Variants in LRRC38 observed in about 807,000 individuals in gnomAD.
LRRC38 encodes the protein leucine rich repeat containing 38, also known as leucine-rich repeat-containing protein 38.
A neutral mutation model predicts 16.4 loss-of-function variants in LRRC38; 5 were observed. The observed-to-expected ratio is 0.31, with a 90% confidence interval of 0.16 to 0.64. The LOEUF (loss-of-function observed/expected upper bound fraction) is 0.64, where lower values mean the gene tolerates loss of function less well. LRRC38 is among the 30% of genes least tolerant of loss of function. The pLI, the probability that LRRC38 is intolerant of heterozygous loss-of-function variation, is 0.80. For missense variants in LRRC38, 341 were observed against 401.8 expected (o/e 0.85, Z 1.29); for synonymous variants, 191 against 190.2 (o/e 1.00, Z -0.04).
chr1:13,481,231 C>T (rs1188396900), intron 1 of LRRC38, among the ~76,000 whole-genome samples: 1 of 152,110 alleles, frequency 6.6e-6, no homozygotes, highest in Admixed American at 6.5e-5. Flanking sequence ...CCTGCCTCAG[C>T]CTTCCAAGTA....
intron 1 of LRRC38, among the ~76,000 whole-genome samples, chr1:13,492,466 C>T (rs933659643): frequency 5.3e-5 from 8 of 152,002 alleles, no homozygotes; most frequent in African/African-American, 9.7e-5. Flanking sequence ...TTTGGGAGGC[C>T]GAGGTGGGTG....
At chr1:13,503,281 T>C (rs1264557183) in intron 1 of LRRC38, among the ~76,000 whole-genome samples, 2 of 152,086 alleles carry the variant, frequency 1.3e-5, no homozygotes, top group East Asian at 3.9e-4. Context: ...TTTATTTATT[T>C]ATTTTGAGAC....
At chr1:13,481,031 T>C (rs182749547) in intron 1 of LRRC38, among the ~76,000 whole-genome samples, 2 of 152,252 alleles carry the variant, frequency 1.3e-5, no homozygotes, top group East Asian at 3.9e-4. Context: ...CCCAGTGTGA[T>C]GGTATCTGGA....
intron 1 of LRRC38, among the ~76,000 whole-genome samples, chr1:13,476,981 T>C (rs923194414): frequency 1.3e-5 from 2 of 152,186 alleles, no homozygotes; most frequent in African/African-American, 4.8e-5. Context: ...GGTGTGTTCC[T>C]GTAATTCCAG....
At chr1:13,499,228 A>G (rs1295100179) in intron 1 of LRRC38, among the ~76,000 whole-genome samples, 2 of 152,108 alleles carry the variant, frequency 1.3e-5, no homozygotes, top group Non-Finnish European at 1.5e-5. Context: ...TCTCCCGAGT[A>G]GCTGGGATTA....
chr1:13,491,558 T>C (rs2999893), intron 1 of LRRC38, among the ~76,000 whole-genome samples: 33,467 of 152,130 alleles, frequency 0.22, 4,210 homozygotes, highest in African/African-American at 0.34. Context: ...CAAAAATATT[T>C]TTAATTGTGG....
At chr1:13,507,569 C>T (rs762792086) in intron 1 of LRRC38, among the ~76,000 whole-genome samples, 10 of 152,214 alleles carry the variant, frequency 6.6e-5, no homozygotes, top group South Asian at 4.1e-4. Context: ...CAGTGGCTCA[C>T]GCCTGTAATC....
chr1:13,485,288 A>C (rs982545667), intron 1 of LRRC38, among the ~76,000 whole-genome samples: 2 of 135,104 alleles, frequency 1.5e-5, no homozygotes, highest in Non-Finnish European at 3.2e-5. Flanking sequence ...AAAAAAAAAA[A>C]AAAAAACGGC....
At chr1:13,497,554 C>A (rs1639094337) in intron 1 of LRRC38, among the ~76,000 whole-genome samples, 1 of 152,096 alleles carries the variant, frequency 6.6e-6, no homozygotes, top group African/African-American at 2.4e-5. Flanking sequence ...CTTACATTAA[C>A]CTGTTGGCAC....
In LRRC38 at chr1:13,487,447, C is replaced by T. The variant is rs1638949000; in HGVS notation, c.632-11348G>A. Among the ~76,000 whole-genome samples the T allele has an allele frequency of 1.3e-5, 2 of 152,194 alleles. No homozygotes were observed. Among genetic ancestry groups the T allele is most frequent in the African/African-American group, 2.4e-5 (1 of 41,446 alleles). Reference sequence around the variant, plus strand: ...AGTCAACTTCCCACCTTTCGTCTTGCGATGGGTCTACCTCCAACCCACTGA... The same window carrying T: ...AGTCAACTTCCCACCTTTCGTCTTGTGATGGGTCTACCTCCAACCCACTGA... On this transcript the variant is annotated intron_variant, in intron 1 of 1. Transcript: ENST00000376085. The surrounding 1 kb of genome is among the most constrained non-coding windows in gnomAD (Gnocchi z 4.4).
At chr1:13,504,867 AAG>A (rs896180309) in intron 1 of LRRC38, among the ~76,000 whole-genome samples, 1 of 151,566 alleles carries the variant, frequency 6.6e-6, no homozygotes, top group Non-Finnish European at 1.5e-5. Context: ...AAAAAAGAAA[AAG>A]AGAAAGAAAA....
At chr1:13,476,296 T>C (rs1426815608) in intron 1 of LRRC38, among the ~76,000 whole-genome samples, 197 bp from the exon 2 acceptor site, 1 of 151,772 alleles carries the variant, frequency 6.6e-6, no homozygotes, top group Non-Finnish European at 1.5e-5. Context: ...ATGGGAAAAG[T>C]TGGAACGTGC....
At chr1:13,509,316 T>C (rs1639248906) in intron 1 of LRRC38, among the ~76,000 whole-genome samples, 1 of 152,104 alleles carries the variant, frequency 6.6e-6, no homozygotes, top group South Asian at 2.1e-4. Context: ...CCTGGGTGAA[T>C]GCAGCCTCCC....
At chr1:13,479,597 T>C (rs959589658) in intron 1 of LRRC38, among the ~76,000 whole-genome samples, 4 of 152,212 alleles carry the variant, frequency 2.6e-5, no homozygotes, top group African/African-American at 9.6e-5. Flanking sequence ...CTAGAAGAAA[T>C]GGGCTTGTTT....
intron 1 of LRRC38, among the ~76,000 whole-genome samples, chr1:13,505,612 A>T (rs1477604310): frequency 6.6e-6 from 1 of 152,202 alleles, no homozygotes; most frequent in Non-Finnish European, 1.5e-5. Flanking sequence ...TGGAGCCTGC[A>T]TTTCTAGTGG....
intron 1 of LRRC38, among the ~76,000 whole-genome samples, chr1:13,485,401 C>A (rs936169861): frequency 2.3e-4 from 35 of 151,704 alleles, no homozygotes; most frequent in African/African-American, 8.2e-4. Context: ...CACGGTGAAA[C>A]CCTGTCTCTA....
At position 13,481,588 on chromosome 1, in the gene LRRC38, G is replaced by A. The variant is rs556649086; in HGVS notation, c.632-5489C>T. ...TTTTGTATTTTTTTAGTAGAGACGG[G>A]GTTTCACCGTGTTAGCCAGGATTGT... On this transcript the variant is annotated intron_variant, in intron 1 of 1. Transcript: ENST00000376085. 6.0e-5 allele frequency among the ~76,000 whole-genome samples: 9 copies of A among 151,188 alleles called. No homozygotes were observed. In the South Asian group the frequency reaches 1.3e-3, roughly 21 times the overall value.
intron 1 of LRRC38, among the ~76,000 whole-genome samples, chr1:13,477,618 A>C (rs1569905751): frequency 6.6e-6 from 1 of 152,202 alleles, no homozygotes; most frequent in Middle Eastern, 3.4e-3. Context: ...TGAGAGACTT[A>C]CTTGAGCTCA....
intron 1 of LRRC38, among the ~76,000 whole-genome samples, chr1:13,486,389 T>A (rs1333753542): frequency 9.9e-5 from 15 of 152,220 alleles, no homozygotes; most frequent in Non-Finnish European, 1.2e-4. Flanking sequence ...TTTTTCCAAA[T>A]AAGGTCACAT....
Sources: gnomAD v4.1 joint callset for allele counts (sites outside exome capture counted in the v4.1 genomes callset) on GRCh38, gnomAD v4.1.1 for gene constraint, Gnocchi (gnomAD v3.1) non-coding constraint, MANE v1.5 for transcripts, NCBI Gene and HGNC (gene_info 2026-07-23, HGNC 2026-07-21) for gene names.